Variants in POLN observed in about 807,000 individuals in gnomAD.
The protein encoded by POLN is DNA polymerase nu, also known as DNA polymerase N.
Under a neutral mutation model 113.5 loss-of-function variants are expected in POLN, and 108 were observed. The observed-to-expected ratio is 0.95, with a 90% CI of 0.81 to 1.12. The LOEUF (loss-of-function observed/expected upper bound fraction) is 1.12, where lower values mean the gene tolerates loss of function less well. Ranked by LOEUF, POLN falls within the 50% of genes most tolerant of loss-of-function variation. The pLI is 0.00. For synonymous variants in POLN, 386 were observed against 391.5 expected, an observed-to-expected ratio of 0.99 and a Z score of 0.17; for missense variants, 1,097 against 1,077.1, an observed-to-expected ratio of 1.02 and a Z score of -0.26.
intron 7 of POLN, among the ~76,000 whole-genome samples, chr4:2,187,815 A>G (rs1052710082): frequency 3.3e-5 from 5 of 152,190 alleles, no homozygotes; most frequent in Non-Finnish European, 5.9e-5. Context: ...CAAAGTGCTG[A>G]AAGAAAAGAC....
At position 2,171,826 on chromosome 4, in the gene POLN, T is replaced by C. The variant is rs933059908; in HGVS notation, c.1375-645A>G. Among the ~76,000 whole-genome samples the C allele has an allele frequency of 6.6e-5, 10 of 152,148 alleles. No individual in the cohort carries two copies. The South Asian group carries it at 1.0e-3, about 16-fold the overall frequency. On this transcript the variant is annotated intron_variant, in intron 11 of 25. Transcript: ENST00000511885. ...ATATTTTGCCTCATGGTGAAATACC[T>C]AGGCTCATAGAAGCATCCTCCCCCA...
intron 3 of POLN, among the ~76,000 whole-genome samples, chr4:2,218,602 C>T (rs978367202): frequency 1.3e-5 from 2 of 152,142 alleles, no homozygotes; most frequent in African/African-American, 4.8e-5. Context: ...AACAAACTTG[C>T]CATTTCTTGC....
At chr4:2,073,227 G>A (rs1267645896) in intron 24 of POLN, among the ~76,000 whole-genome samples, 198 bp from the exon 25 acceptor site, 3 of 152,136 alleles carry the variant, frequency 2.0e-5, no homozygotes, top group East Asian at 3.9e-4. Flanking sequence ...CCCTGAGGCT[G>A]AGTCCAGCTC....
rs1180253937 is a variant in POLN at position 2,085,658 on chromosome 4, T to C, written c.2152A>G (p.Ile718Val). ...ATAGCTGCTCGGGCGAAGTCCTTGA[T>C]TTTCTTGTACTTCTGCAAAAAACTC... ...LESFLQKYKK[I>V]KDFARAAIAQ... Residue 718 changes from isoleucine (I) to valine (V), a missense_variant, in exon 21 of 26, where the codon ATC (isoleucine) becomes GTC (valine). Coordinates refer to ENST00000511885, the MANE Select transcript of POLN (RefSeq NM_181808.4). The C allele has an allele frequency of 1.9e-6, 3 of 1,614,128 alleles. No individual in the cohort carries two copies. The highest frequency in any genetic ancestry group is 1.7e-6 in the Non-Finnish European group (2 of 1,180,036).
intron 16 of POLN, among the ~76,000 whole-genome samples, chr4:2,132,690 C>T (rs867817206): frequency 1.3e-5 from 2 of 152,218 alleles, no homozygotes; most frequent in African/African-American, 4.8e-5. Context: ...ACAATGGAGC[C>T]ACAACTTCCA....
intron 7 of POLN, 84 bp downstream of exon 7, chr4:2,193,120 T>C (rs1282883291): frequency 9.5e-7 from 1 of 1,049,082 alleles, no homozygotes; most frequent in Admixed American, 2.3e-5. Context: ...TTGTGTGACA[T>C]GGCTGCCCTC....
intron 13 of POLN, among the ~76,000 whole-genome samples, chr4:2,165,727 G>A (rs1732712915): frequency 1.3e-5 from 2 of 152,074 alleles, no homozygotes; most frequent in Admixed American, 1.3e-4. Flanking sequence ...AGGGAGTATG[G>A]GAACTCTCTG....
At chr4:2,174,079 C>A in intron 10 of POLN, 60 bp from the exon 11 acceptor site, 3 of 1,528,318 alleles carry the variant, frequency 2.0e-6, no homozygotes, top group Non-Finnish European at 2.7e-6. Flanking sequence ...TTACTAAAGA[C>A]TAAAATGCTT....
chr4:2,082,337 C>T (rs1031036671), intron 21 of POLN, among the ~76,000 whole-genome samples: 2 of 152,164 alleles, frequency 1.3e-5, no homozygotes, highest in Non-Finnish European at 2.9e-5. Flanking sequence ...GCAGCTTTTG[C>T]AAAGCCATGT....
intron 9 of POLN, 53 bp from the exon 10 acceptor site, chr4:2,174,804 G>A: frequency 1.5e-6 from 2 of 1,310,554 alleles, no homozygotes; most frequent in Non-Finnish European, 2.1e-6. Context: ...TATTGTATCT[G>A]CATTTTGTTG....
chr4:2,150,529 C>CT lies in POLN; in HGVS notation c.1731+6258dup, dbSNP rs199735786. Among the ~76,000 whole-genome samples the CT allele has an allele frequency of 7.9e-4, 119 of 151,164 alleles. 2 individuals are homozygous for CT. In the East Asian group the frequency reaches 0.02, roughly 26 times the overall value. On this transcript the variant is annotated intron_variant, in intron 16 of 25. Coordinates refer to ENST00000511885, the MANE Select transcript of POLN (RefSeq NM_181808.4). ...CAAAAGACCAAAGACCCAAAATAAC[C>CT]TTTTTTTTTCTTTTTTAAAAAAACA...
intron 3 of POLN, among the ~76,000 whole-genome samples, chr4:2,226,894 G>C (rs1225833722): frequency 1.3e-5 from 2 of 152,170 alleles, no homozygotes; most frequent in Admixed American, 6.5e-5. Context: ...CAAGAATCCA[G>C]AGTCAATTAA....
In POLN at chr4:2,157,871, G is replaced by A. The variant is rs1732475594; in HGVS notation, c.1652C>T (p.Ala551Val). 14 of 1,606,836 alleles carry A rather than the reference G, an allele frequency of 8.7e-6. No individual in the cohort carries two copies. The highest frequency in any genetic ancestry group is 6.7e-5 in the East Asian group (3 of 44,790). The change falls in exon 15 of 26, where the codon GCT becomes GTT. Residue 551 changes from alanine to valine, a missense_variant. Physicochemically the swap from Ala to Val is moderately conservative, Grantham distance 64. Coordinates refer to ENST00000511885, the MANE Select transcript of POLN (RefSeq NM_181808.4). Reference protein sequence around the residue: ...IKSTFVDGLLACMKKGSISST... With the variant: ...IKSTFVDGLLVCMKKGSISST... ...AAAGCTTGTTACCTTTTTCATGCAA[G>A]CTAGTAATCCATCTACAAAGGTTGA...
intron 16 of POLN, among the ~76,000 whole-genome samples, chr4:2,136,969 C>T (rs767947746): frequency 1.3e-5 from 2 of 152,212 alleles, no homozygotes; most frequent in East Asian, 1.9e-4. Flanking sequence ...TCGCCCCACA[C>T]GTGCCAGGCT....
At chr4:2,210,077 G>A (rs948622135) in intron 4 of POLN, among the ~76,000 whole-genome samples, 1 of 150,754 alleles carries the variant, frequency 6.6e-6, no homozygotes, top group South Asian at 2.1e-4. Flanking sequence ...GAAAGAAAAT[G>A]TTTTAACACT....
chr4:2,208,131 T>C lies in POLN; in HGVS notation c.570A>G (p.Ser190=). The change falls in exon 5 of 26, where the codon TCA becomes TCG. Residue 190 remains serine (S), a synonymous_variant. Coordinates refer to ENST00000511885, the MANE Select transcript of POLN (RefSeq NM_181808.4). ...DAEGYLNSGN[S]GALKKHFCDI... ...CACAAAAATGTTTTTTCAATGCTCC[T>C]GAGTTCCCAGAATTTAGGTAGCCTT... 1 of 1,614,232 alleles carries C rather than the reference T, an allele frequency of 6.2e-7. No individual in the cohort carries two copies. Among genetic ancestry groups the C allele is most frequent in the Admixed American group, 1.7e-5 (1 of 60,030 alleles).
intron 16 of POLN, among the ~76,000 whole-genome samples, chr4:2,145,601 C>G (rs1406938707): frequency 6.6e-6 from 1 of 152,178 alleles, no homozygotes; most frequent in Non-Finnish European, 1.5e-5. Flanking sequence ...CAATAAGATA[C>G]TAATCCACAC....
At chr4:2,111,505 C>G (rs2108711896) in intron 19 of POLN, among the ~76,000 whole-genome samples, 1 of 152,270 alleles carries the variant, frequency 6.6e-6, no homozygotes, top group East Asian at 1.9e-4. Flanking sequence ...CGTCTCAGCC[C>G]AAAATCTCCT....
intron 3 of POLN, among the ~76,000 whole-genome samples, chr4:2,222,236 G>A (rs1734276313): frequency 6.6e-6 from 1 of 151,952 alleles, no homozygotes; most frequent in Non-Finnish European, 1.5e-5. Flanking sequence ...GTATCTCAGG[G>A]TCTGGTCCCT....
Sources: allele counts gnomAD v4.1 joint callset (sites outside exome capture counted in the v4.1 genomes callset), GRCh38; gene constraint gnomAD v4.1.1; transcripts MANE v1.5; gene names NCBI Gene and HGNC (gene_info 2026-07-23, HGNC 2026-07-21).